Variants in DLGAP4 observed in about 807,000 individuals in gnomAD.
The protein encoded by DLGAP4 is disks large-associated protein 4.
DLGAP4 carries 18 observed loss-of-function variants against 86.9 expected under a neutral mutation model. The observed-to-expected ratio is 0.21, with a 90% CI of 0.14 to 0.31. The LOEUF is 0.31. Ranked by LOEUF, DLGAP4 falls within the 10% of genes least tolerant of loss-of-function variation. The pLI is 1.00. For synonymous variants in DLGAP4, 548 were observed against 574.3 expected (o/e 0.95, Z 0.65); for missense variants, 1,085 against 1,362.6 (o/e 0.80, Z 3.21).
chr20:36,461,228 T>C (rs1383278818), intron 7 of DLGAP4: 1 of 145,558 alleles, frequency 6.9e-6, no homozygotes, highest in Non-Finnish European at 1.5e-5. Context: ...TGCTCGGGCA[T>C]GCGCGTGCCG....
At chr20:36,473,360 C>G (rs1022353410) in intron 7 of DLGAP4, among the ~76,000 whole-genome samples, 1 of 152,112 alleles carries the variant, frequency 6.6e-6, no homozygotes, top group Non-Finnish European at 1.5e-5. Context: ...AGGCAAGACC[C>G]TTCCCTTCTC....
In DLGAP4 at chr20:36,482,708, G is replaced by A. The variant is rs530114545; in HGVS notation, c.1649-13997G>A. ...TTTTTTTGAGACAGGGTCTAACTCT[G>A]TTGTCCAGGCTGGAGTGCAGTGGCA... On this transcript the variant is annotated intron_variant, in intron 7 of 12. Coordinates refer to ENST00000339266, the MANE Select transcript of DLGAP4 (RefSeq NM_001365621.2). Among the ~76,000 whole-genome samples the A allele has an allele frequency of 2.7e-3, 408 of 152,232 alleles. 3 individuals carry two copies. Among genetic ancestry groups the A allele is most frequent in the Non-Finnish European group, 4.5e-3 (308 of 67,978 alleles).
intron 2 of DLGAP4, among the ~76,000 whole-genome samples, chr20:36,383,906 C>T (rs1337790384): frequency 6.7e-6 from 1 of 149,102 alleles, no homozygotes; most frequent in African/African-American, 2.5e-5. Context: ...ACCCGGGAGG[C>T]GGAGCTTGCA....
In DLGAP4 at chr20:36,528,445, G is replaced by GT. The variant is rs1491246846; in HGVS notation, c.*1414_*1415insT. On this transcript the variant is annotated 3_prime_UTR_variant, in exon 13 of 13. Coordinates refer to ENST00000339266, the MANE Select transcript of DLGAP4 (RefSeq NM_001365621.2). ...TTGGCTGGCGCTTGCTGCAGGGGGGGACCCCCCCCCGTCCCCAGGTGAACC... is the reference window on the plus strand; with the variant it reads ...TTGGCTGGCGCTTGCTGCAGGGGGGGTACCCCCCCCCGTCCCCAGGTGAACC... The GT allele has an allele frequency of 7.9e-6, 1 of 126,626 alleles. No homozygotes were observed. The highest frequency in any genetic ancestry group is 3.5e-5 in the African/African-American group (1 of 28,288). The allele number at this position is 126,626 out of a possible 1,614,324, so 7.8% of individuals were successfully genotyped here. A position where few individuals can be genotyped will look rare whatever the true frequency, so the allele number is the denominator to read the frequency against.
intron 2 of DLGAP4, among the ~76,000 whole-genome samples, chr20:36,389,103 G>A (rs1337524522): frequency 2.6e-5 from 4 of 152,192 alleles, no homozygotes; most frequent in African/African-American, 9.6e-5. Flanking sequence ...TTCAGGTTTA[G>A]ACATGACAAG....
intron 10 of DLGAP4, among the ~76,000 whole-genome samples, chr20:36,503,650 G>A (rs1434086580): frequency 2.0e-5 from 3 of 151,998 alleles, no homozygotes; most frequent in South Asian, 4.2e-4. Flanking sequence ...AACCACGCCC[G>A]GGTAATTTTT....
At position 36,445,429 on chromosome 20, in the gene DLGAP4, G is replaced by A. The variant is rs574626695; in HGVS notation, c.1408-1268G>A. On this transcript the variant is annotated intron_variant, in intron 6 of 12. Transcript: ENST00000339266. ...TGAGGCAGAAGAATTGCTTGAACCC[G>A]GGAGGCGGAGGTTGCAGTGAGCCGA... Among the ~76,000 whole-genome samples, 16 of 152,222 alleles carry A rather than the reference G, an allele frequency of 1.1e-4. No homozygotes were observed. The East Asian group carries it at 2.7e-3, about 26-fold the overall frequency.
At chr20:36,407,339 C>T (rs181987347) in intron 2 of DLGAP4, among the ~76,000 whole-genome samples, 2 of 152,206 alleles carry the variant, frequency 1.3e-5, no homozygotes, top group African/African-American at 4.8e-5. Context: ...ATGGTGTTCC[C>T]CTTTAAAATG....
intron 12 of DLGAP4, 107 bp downstream of exon 12, chr20:36,526,113 CT>C: frequency 2.6e-6 from 4 of 1,535,998 alleles, no homozygotes; most frequent in Non-Finnish European, 3.6e-6. Context: ...CGTGTGTCGT[CT>C]TTGAGCTGGG....
intron 5 of DLGAP4, among the ~76,000 whole-genome samples, chr20:36,440,865 C>A (rs1254275749): frequency 2.0e-5 from 3 of 151,942 alleles, no homozygotes. Flanking sequence ...CAGGAACAGG[C>A]CACTGTGTGC....
chr20:36,451,535 G>A (rs1401248050), intron 7 of DLGAP4, among the ~76,000 whole-genome samples: 1 of 151,830 alleles, frequency 6.6e-6, no homozygotes, highest in African/African-American at 2.4e-5. Context: ...ATTTTTAGTA[G>A]AGACAAGGTT....
At chr20:36,319,527 C>A (rs1260087207) in intron 1 of DLGAP4, among the ~76,000 whole-genome samples, 3 of 152,342 alleles carry the variant, frequency 2.0e-5, no homozygotes, top group Non-Finnish European at 4.4e-5. Context: ...CCCAGGGCAG[C>A]TCACAGAAGG....
intron 10 of DLGAP4, among the ~76,000 whole-genome samples, chr20:36,520,658 A>C (rs2037320263): frequency 6.6e-6 from 1 of 151,750 alleles, no homozygotes; most frequent in South Asian, 2.1e-4. Context: ...TTTTCTTCAT[A>C]GTGTCCTTCG....
rs1555909796 is a variant in DLGAP4 at position 36,482,664 on chromosome 20, T to TTTTTG, written c.1649-14037_1649-14036insGTTTT. On this transcript the variant is annotated intron_variant, in intron 7 of 12. Coordinates refer to ENST00000339266, the MANE Select transcript of DLGAP4 (RefSeq NM_001365621.2). ...CTAGCACCTGCTTCTCGTGGGTTGTTTTTTTGTTTTTGTTTTTGTTTTTTT... is the reference window on the plus strand; with the variant it reads ...CTAGCACCTGCTTCTCGTGGGTTGTTTTTTGTTTTTGTTTTTGTTTTTGTTTTTTT... Among the ~76,000 whole-genome samples, 615 of 152,110 alleles carry TTTTTG rather than the reference T, an allele frequency of 4.0e-3. 4 individuals are homozygous for TTTTTG. The highest frequency in any genetic ancestry group is 0.014 in the African/African-American group (595 of 41,472).
intron 1 of DLGAP4, among the ~76,000 whole-genome samples, chr20:36,329,181 AT>A (rs1409451497): frequency 6.6e-6 from 1 of 152,150 alleles, no homozygotes; most frequent in East Asian, 1.9e-4. Flanking sequence ...AATTCCTGGG[AT>A]TACATGCGTG....
chr20:36,439,847 C>G lies in DLGAP4; in HGVS notation c.1335C>G (p.Asn445Lys). 1 of 1,613,484 alleles carries G rather than the reference C, an allele frequency of 6.2e-7. No homozygotes were observed. Among genetic ancestry groups the G allele is most frequent in the Non-Finnish European group, 8.5e-7 (1 of 1,179,942 alleles). The change falls in exon 5 of 13, where the codon AAC becomes AAG. Residue 445 changes from asparagine to lysine, a missense_variant. By Grantham distance (94) the Asn-to-Lys change is moderately conservative. This residue lies in a region of DLGAP4 where 1,082 missense variants were observed against 1,344.1 expected (regional missense o/e 0.81). Transcript: ENST00000339266. ...ACACCCCCGTCAGCGACAGCCTCAA[C>G]GACTCCAGCTGCATCAGCCAGGTGA... ...EDYTPVSDSL[N>K]DSSCISQIFG...
chr20:36,482,053 TAC>T (rs1328966700), intron 7 of DLGAP4, among the ~76,000 whole-genome samples: 1 of 152,188 alleles, frequency 6.6e-6, no homozygotes, highest in Non-Finnish European at 1.5e-5. Context: ...CAGGCAGCAT[TAC>T]CTCTGCTGAC....
At chr20:36,443,112 T>G (rs778889202) in intron 6 of DLGAP4, among the ~76,000 whole-genome samples, 9 of 152,080 alleles carry the variant, frequency 5.9e-5, no homozygotes, top group Non-Finnish European at 1.3e-4. Context: ...GGAGACTGAG[T>G]TGGACAGGTC....
intron 2 of DLGAP4, among the ~76,000 whole-genome samples, chr20:36,398,051 G>A (rs1418187338): frequency 2.0e-5 from 3 of 152,248 alleles, no homozygotes; most frequent in Non-Finnish European, 4.4e-5. Context: ...AACCTGGGAG[G>A]CAGAGGTTGC....
Sources: allele counts gnomAD v4.1 joint callset (sites outside exome capture counted in the v4.1 genomes callset), GRCh38; gene constraint gnomAD v4.1.1; regional missense constraint gnomAD v4.1.1; transcripts MANE v1.5; gene names NCBI Gene and HGNC (gene_info 2026-07-23, HGNC 2026-07-21).